Variants in OXSR1 observed in about 807,000 individuals in gnomAD.
The protein encoded by OXSR1 is oxidative stress responsive kinase 1.
OXSR1 carries 24 observed loss-of-function variants against 79.8 expected under a neutral mutation model. The observed-to-expected ratio is 0.30, with a 90% confidence interval of 0.22 to 0.42. The LOEUF is 0.42. OXSR1 is among the 10% of genes least tolerant of loss of function. The probability of loss-of-function intolerance (pLI) is 1.00; values close to 1 mark genes in which losing one functional copy is unlikely to be tolerated. For missense variants in OXSR1, 430 were observed against 618.4 expected, an observed-to-expected ratio of 0.70 and a Z score of 3.23; for synonymous variants, 226 against 209.2, an observed-to-expected ratio of 1.08 and a Z score of -0.69.
At chr3:38,195,427 A>G (rs1702055749) in intron 3 of OXSR1, among the ~76,000 whole-genome samples, 1 of 152,198 alleles carries the variant, frequency 6.6e-6, no homozygotes, top group Non-Finnish European at 1.5e-5. Context: ...TCAAGCAACA[A>G]TGCAGGGTTT....
At chr3:38,238,405 T>G (rs1317897586) in intron 11 of OXSR1, among the ~76,000 whole-genome samples, 2 of 152,158 alleles carry the variant, frequency 1.3e-5, no homozygotes, top group Non-Finnish European at 2.9e-5. Context: ...GAAAAAGGCT[T>G]TGACAAAATT....
At chr3:38,231,215 A>G (rs1449433634) in intron 10 of OXSR1, among the ~76,000 whole-genome samples, 1 of 152,206 alleles carries the variant, frequency 6.6e-6, no homozygotes, top group Non-Finnish European at 1.5e-5. Flanking sequence ...TGTATATTAA[A>G]TACTTGGAAA....
At chr3:38,193,691 G>A (rs9784238) in intron 3 of OXSR1, among the ~76,000 whole-genome samples, 5,472 of 151,082 alleles carry the variant, frequency 0.036, 107 homozygotes, top group Middle Eastern at 0.13. Flanking sequence ...GGCAGGACAT[G>A]TAGATGGATG....
At chr3:38,182,184 C>T (rs935405605) in intron 1 of OXSR1, among the ~76,000 whole-genome samples, 6 of 152,202 alleles carry the variant, frequency 3.9e-5, no homozygotes, top group African/African-American at 1.4e-4. Context: ...TCTGGCACCT[C>T]TAGAACTCCC....
At chr3:38,197,358 A>G (rs1338253872) in intron 3 of OXSR1, among the ~76,000 whole-genome samples, 2 of 152,220 alleles carry the variant, frequency 1.3e-5, no homozygotes, top group African/African-American at 2.4e-5. Flanking sequence ...ACTCTGTCTT[A>G]TCTGAACTTT....
chr3:38,253,079 T>C lies in OXSR1; in HGVS notation c.*188T>C, dbSNP rs894076082. On this transcript the variant is annotated 3_prime_UTR_variant, in exon 18 of 18. Transcript: ENST00000311806. ...CACAGGGAAAGAAAAGTTGGATCAC[T>C]AGTGGCCAGCATCCCCAGAGTTCCG... The C allele has an allele frequency of 2.9e-5, 17 of 589,412 alleles. No individual in the cohort carries two copies. Among genetic ancestry groups the C allele is most frequent in the Non-Finnish European group, 4.5e-5 (15 of 331,312 alleles). The allele number at this position is 589,412 out of a possible 1,614,324, so 36.5% of individuals were successfully genotyped here.
intron 8 of OXSR1, among the ~76,000 whole-genome samples, chr3:38,228,023 C>A (rs941850461): frequency 2.0e-5 from 3 of 152,184 alleles, no homozygotes; most frequent in African/African-American, 7.2e-5. Flanking sequence ...CTTACACAAA[C>A]TTTGATGGTA....
chr3:38,233,522 A>G (rs907812956), intron 10 of OXSR1, among the ~76,000 whole-genome samples: 1 of 152,196 alleles, frequency 6.6e-6, no homozygotes, highest in African/African-American at 2.4e-5. Flanking sequence ...TAATGTGAAA[A>G]ATAGAGGTCA....
In OXSR1 at chr3:38,218,720, A is replaced by G. The variant is rs74919163; in HGVS notation, c.490+2569A>G. On this transcript the variant is annotated intron_variant, in intron 5 of 17. Coordinates refer to ENST00000311806, the MANE Select transcript of OXSR1 (RefSeq NM_005109.3). ...CTTTTGTTGCCTGAAATTTGGTATTATATCTCAGAAATCATTGCTAACGCC... is the reference window on the plus strand; with the variant it reads ...CTTTTGTTGCCTGAAATTTGGTATTGTATCTCAGAAATCATTGCTAACGCC... Among the ~76,000 whole-genome samples the G allele has an allele frequency of 0.016, 2,381 of 152,268 alleles. 199 individuals carry two copies. The East Asian group carries it at 0.24, about 15-fold the overall frequency.
chr3:38,223,969 C>A (rs1026357854), intron 7 of OXSR1, 56 bp downstream of exon 7: 3 of 1,034,494 alleles, frequency 2.9e-6, no homozygotes, highest in South Asian at 3.1e-5. Context: ...CTTTTCAGAG[C>A]CATTTGCCAG....
At chr3:38,239,157 A>T (rs575075845) in intron 11 of OXSR1, among the ~76,000 whole-genome samples, 42 of 152,256 alleles carry the variant, frequency 2.8e-4, no homozygotes, top group African/African-American at 8.4e-4. Context: ...TTTTGGAGAT[A>T]TGTAATACAG....
rs1702593572 is a variant in OXSR1 at position 38,221,651 on chromosome 3, C to T, written c.564C>T (p.Gly188=). ...ATAAAGTGAGAAAGACCTTTGTTGG[C>T]ACCCCTTGTTGGATGGCACCTGAAG... ...TRNKVRKTFV[G]TPCWMAPEVM... The change falls in exon 6 of 18, where the codon GGC becomes GGT. Residue 188 remains glycine (G), a synonymous_variant. Transcript: ENST00000311806. 1 of 1,612,566 alleles carries T rather than the reference C, an allele frequency of 6.2e-7. No individual in the cohort carries two copies. Among genetic ancestry groups the T allele is most frequent in the Non-Finnish European group, 8.5e-7 (1 of 1,178,760 alleles).
At chr3:38,166,043 A>G in intron 1 of OXSR1, 97 bp downstream of exon 1, 2 of 1,114,450 alleles carry the variant, frequency 1.8e-6, no homozygotes, top group Non-Finnish European at 2.7e-6. Context: ...CGCAGCCCTC[A>G]TAGGAATTCG....
intron 15 of OXSR1, 75 bp from the exon 16 acceptor site, chr3:38,251,328 A>G (rs1703251105): frequency 1.7e-6 from 2 of 1,203,910 alleles, no homozygotes; most frequent in Non-Finnish European, 2.5e-6. Context: ...GCACACTGAC[A>G]CCCACATGAG....
chr3:38,185,952 A>C (rs1701877693), intron 2 of OXSR1, among the ~76,000 whole-genome samples: 1 of 144,566 alleles, frequency 6.9e-6, no homozygotes, highest in Non-Finnish European at 1.5e-5. Flanking sequence ...GTCTCAAAAA[A>C]AAAAAAAAAA....
chr3:38,223,442 AC>A (rs1224841791), intron 6 of OXSR1, among the ~76,000 whole-genome samples: 5 of 144,724 alleles, frequency 3.5e-5, no homozygotes, highest in Non-Finnish European at 7.6e-5. Context: ...TCAGAAGCTA[AC>A]TTTTTTTTTT....
intron 2 of OXSR1, among the ~76,000 whole-genome samples, chr3:38,188,097 A>G (rs919570673): frequency 6.6e-6 from 1 of 152,186 alleles, no homozygotes; most frequent in Admixed American, 6.5e-5. Flanking sequence ...GCCCCTTTTC[A>G]TCTTTGGATT....
chr3:38,227,272 G>T (rs1457480103), intron 8 of OXSR1, among the ~76,000 whole-genome samples: 1 of 152,136 alleles, frequency 6.6e-6, no homozygotes. Context: ...ATCCTTTGAG[G>T]ATAGCACTGT....
intron 1 of OXSR1, among the ~76,000 whole-genome samples, chr3:38,180,768 A>G (rs1701769786): frequency 6.6e-6 from 1 of 151,856 alleles, no homozygotes; most frequent in South Asian, 2.1e-4. Flanking sequence ...TTCTGGACTC[A>G]GGCGATCTGC....
Sources: gnomAD v4.1 joint callset for allele counts (sites outside exome capture counted in the v4.1 genomes callset) on GRCh38, gnomAD v4.1.1 for gene constraint, MANE v1.5 for transcripts, NCBI Gene and HGNC (gene_info 2026-07-23, HGNC 2026-07-21) for gene names.